Variants in MYO16 observed in about 807,000 individuals in gnomAD.
MYO16 encodes unconventional myosin-XVI.
In MYO16, 94 loss-of-function variants were observed where a neutral mutation model predicts 205.3. The ratio of observed to expected loss-of-function variants is 0.46; its 90% confidence interval spans 0.39 to 0.54. The LOEUF (loss-of-function observed/expected upper bound fraction) is 0.54, where lower values mean the gene tolerates loss of function less well. Among genes scored for constraint, MYO16 ranks in the 20% least tolerant of loss-of-function variants. The pLI is 0.00. For synonymous variants in MYO16, 988 were observed against 954.0 expected (o/e 1.04, Z -0.66); for missense variants, 2,315 against 2,387.5 (o/e 0.97, Z 0.63).
chr13:108,576,625 A>G, the MYO16 span, among the ~76,000 whole-genome samples: 273 of 152,350 alleles, frequency 1.8e-3, 3 homozygotes, highest in African/African-American at 6.2e-3. Context: ...TTTTATTCAA[A>G]TAATCCATTG....
rs552586246 is a variant in MYO16 at position 109,076,244 on chromosome 13, G to A, written c.3335+20649G>A. 5.3e-5 allele frequency among the ~76,000 whole-genome samples: 8 copies of A among 152,150 alleles called. No individual in the cohort carries two copies. The South Asian group carries it at 8.3e-4, about 16-fold the overall frequency. ...TTTCTGTTCAAACAATTAGTAAATCGATTTCATTAATTTCAGCTCTTATCT... is the reference window on the plus strand; with the variant it reads ...TTTCTGTTCAAACAATTAGTAAATCAATTTCATTAATTTCAGCTCTTATCT... On this transcript the variant is annotated intron_variant, in intron 27 of 34. Coordinates refer to ENST00000457511, the MANE Select transcript of MYO16 (RefSeq NM_001198950.3).
intron 16 of MYO16, among the ~76,000 whole-genome samples, chr13:108,955,252 C>T (rs1361616584): frequency 6.6e-6 from 1 of 152,192 alleles, no homozygotes. Context: ...ACACCCTCTC[C>T]TTACCTCATC....
At chr13:108,717,629 CAAAAAA>C (rs59387181) in intron 3 of MYO16, among the ~76,000 whole-genome samples, 2 of 96,406 alleles carry the variant, frequency 2.1e-5, no homozygotes, top group East Asian at 2.9e-4. Flanking sequence ...GACTCCATCT[CAAAAAA>C]AAAAAAAAAA....
chr13:108,662,346 C>T (rs1881540116), intron 1 of MYO16, among the ~76,000 whole-genome samples: 1 of 152,128 alleles, frequency 6.6e-6, no homozygotes, highest in African/African-American at 2.4e-5. Context: ...CCTAGAACTT[C>T]CAAGATTAAT....
rs1886197576 is a variant in MYO16, at chr13:109,023,488, T to TTATATATTATACAGATATAAATATA, written c.2796+3583_2796+3607dup. On this transcript the variant is annotated intron_variant, in intron 23 of 34. Transcript: ENST00000457511. Reference sequence around the variant, plus strand: ...ATATTATACAGATATAAATATATATTTATATATTATACAGATATAAATATA... The same window carrying TTATATATTATACAGATATAAATATA: ...ATATTATACAGATATAAATATATATTTATATATTATACAGATATAAATATATATATATTATACAGATATAAATATA... 1.8e-5 allele frequency among the ~76,000 whole-genome samples: 2 copies of TTATATATTATACAGATATAAATATA among 110,020 alleles called. 1 individual carries two copies. Among genetic ancestry groups the TTATATATTATACAGATATAAATATA allele is most frequent in the Admixed American group, 2.3e-4 (2 of 8,676 alleles). The allele number at this position is 110,020 out of a possible 152,430, so 72.2% of individuals were successfully genotyped here. A position where few individuals can be genotyped will look rare whatever the true frequency, so the allele number is the denominator to read the frequency against.
Position 108,897,998 on chromosome 13 carries a change from T to A in MYO16, c.1660-18T>A. On this transcript the variant is annotated intron_variant, in intron 14 of 34. Transcript: ENST00000457511. ...TTAAAATATGAGCAGTTCAGTAAAATGTTCTCCTCTCCCACAGGTCGTGTG... is the reference window on the plus strand; with the variant it reads ...TTAAAATATGAGCAGTTCAGTAAAAAGTTCTCCTCTCCCACAGGTCGTGTG... The A allele has an allele frequency of 6.4e-7, 1 of 1,558,726 alleles. No homozygotes were observed. The highest frequency in any genetic ancestry group is 1.7e-5 in the Admixed American group (1 of 59,922).
At chr13:108,964,924 G>A (rs1883732346) in intron 20 of MYO16, 22 bp downstream of exon 20, 2 of 1,611,600 alleles carry the variant, frequency 1.2e-6, no homozygotes, top group Middle Eastern at 1.7e-4. Flanking sequence ...TGGATGTTCG[G>A]TTCTGTTGTC....
At chr13:108,942,118 G>C (rs951346951) in intron 16 of MYO16, among the ~76,000 whole-genome samples, 7 of 152,190 alleles carry the variant, frequency 4.6e-5, no homozygotes, top group African/African-American at 1.7e-4. Flanking sequence ...GCCTGCATTT[G>C]ATAGTTGATT....
chr13:109,150,642 C>T (rs1232970500), intron 32 of MYO16, among the ~76,000 whole-genome samples: 6 of 152,310 alleles, frequency 3.9e-5, no homozygotes, highest in South Asian at 2.1e-4. Flanking sequence ...GAAGCCTTTA[C>T]AACCGGGATG....
chr13:109,140,544 C>T lies in MYO16; in HGVS notation c.4332C>T (p.Pro1444=). The part of the protein sequence containing the change: ...YIEMLGHAAR[P]DSPDPGESVY... Reference sequence around the variant, plus strand: ...AGATGCTGGGGCACGCGGCCAGGCCCGATAGCCCGGACCCCGGGGAGTCCG... The same window carrying T: ...AGATGCTGGGGCACGCGGCCAGGCCTGATAGCCCGGACCCCGGGGAGTCCG... The change falls in exon 32 of 35, where the codon CCC becomes CCT. Residue 1444 remains proline, a synonymous_variant. Transcript: ENST00000457511. This position sits in a 1 kb window ranked among gnomAD's most constrained non-coding sequence, Gnocchi z 8.0. 1.3e-6 allele frequency: 2 copies of T among 1,546,986 alleles called. No homozygotes were observed. The highest frequency in any genetic ancestry group is 1.7e-6 in the Non-Finnish European group (2 of 1,154,226).
rs568870367 is a variant in MYO16 at position 109,162,691 on chromosome 13, G to A, written c.5165-2210G>A. Among the ~76,000 whole-genome samples the A allele has an allele frequency of 5.9e-5, 9 of 152,168 alleles. No homozygotes were observed. Among genetic ancestry groups the A allele is most frequent in the South Asian group, 2.1e-4 (1 of 4,818 alleles). ...CAGTGGTATTCATTATGTATCTCCC[G>A]CACTCAGTGAGTATCTGGCACATAG... On this transcript the variant is annotated intron_variant, in intron 32 of 34. Transcript: ENST00000457511. This position sits in a 1 kb window ranked among gnomAD's most constrained non-coding sequence, Gnocchi z 4.6.
chr13:108,942,377 T>C (rs1180153054), intron 16 of MYO16, among the ~76,000 whole-genome samples: 1 of 152,162 alleles, frequency 6.6e-6, no homozygotes, highest in East Asian at 1.9e-4. Flanking sequence ...CCTTAGAAAA[T>C]GTGCTGATGA....
intron 27 of MYO16, among the ~76,000 whole-genome samples, chr13:109,099,558 C>T (rs1446514563): frequency 1.3e-5 from 2 of 152,168 alleles, no homozygotes; most frequent in Admixed American, 6.5e-5. Flanking sequence ...GTCAAAGGCC[C>T]CACCTCTTAA....
intron 4 of MYO16, among the ~76,000 whole-genome samples, chr13:108,730,144 C>T (rs1005048689): frequency 5.3e-5 from 8 of 152,174 alleles, no homozygotes; most frequent in South Asian, 2.1e-4. Context: ...TCCCATAATC[C>T]CCACATGTCA....
intron 10 of MYO16, among the ~76,000 whole-genome samples, chr13:108,846,090 T>C (rs527511356): frequency 2.3e-4 from 35 of 152,196 alleles, no homozygotes; most frequent in Non-Finnish European, 1.0e-4. Context: ...TTGTGTACTT[T>C]AGTGTCTGGC....
intron 4 of MYO16, among the ~76,000 whole-genome samples, chr13:108,756,660 A>C (rs1885431013): frequency 6.6e-6 from 1 of 152,128 alleles, no homozygotes; most frequent in South Asian, 2.1e-4. Flanking sequence ...TAACTACAGA[A>C]GGAATTCACA....
chr13:109,158,816 G>A (rs1007189358), intron 32 of MYO16, among the ~76,000 whole-genome samples: 3 of 152,136 alleles, frequency 2.0e-5, no homozygotes, highest in Non-Finnish European at 2.9e-5. Context: ...CAAAGTATAC[G>A]TTTACAAAGT....
At chr13:108,720,666 C>CT (rs1204978999) in intron 3 of MYO16, among the ~76,000 whole-genome samples, 2 of 152,074 alleles carry the variant, frequency 1.3e-5, no homozygotes, top group Non-Finnish European at 2.9e-5. Context: ...TGGATGTTTC[C>CT]TAGTAATTAT....
intron 5 of MYO16, among the ~76,000 whole-genome samples, chr13:108,788,697 T>C (rs1184671252): frequency 6.6e-6 from 1 of 151,920 alleles, no homozygotes; most frequent in Non-Finnish European, 1.5e-5. Flanking sequence ...TTTCTAAACC[T>C]ACAAACCCAT....
Sources: gnomAD v4.1 joint callset for allele counts (sites outside exome capture counted in the v4.1 genomes callset) on GRCh38, gnomAD v4.1.1 for gene constraint, Gnocchi (gnomAD v3.1) non-coding constraint, MANE v1.5 for transcripts, NCBI Gene and HGNC (gene_info 2026-07-23, HGNC 2026-07-21) for gene names.